The following STON1 variants were observed in gnomAD, a reference collection of about 807,000 sequenced individuals.
STON1 encodes the protein stonin-1.
In STON1, 79 loss-of-function variants were observed where a neutral mutation model predicts 60.9. The ratio of observed to expected loss-of-function variants is 1.30; its 90% CI spans 1.08 to 1.56. The LOEUF is 1.56. Ranked by LOEUF, STON1 falls within the 40% of genes most tolerant of loss-of-function variation. The pLI is 0.00. For synonymous variants in STON1, 363 were observed against 306.9 expected (o/e 1.18, Z -1.91); for missense variants, 1,166 against 858.9 (o/e 1.36, Z -4.47).
intron 1 of STON1, among the ~76,000 whole-genome samples, chr2:48,560,786 G>A (rs926825426): frequency 6.6e-6 from 1 of 152,146 alleles, no homozygotes; most frequent in Non-Finnish European, 1.5e-5. Context: ...CTCTACCCCA[G>A]GCCCCAGCAT....
chr2:48,595,193 G>C, intron 3 of STON1, 35 bp from the exon 4 acceptor site: 1 of 1,552,590 alleles, frequency 6.4e-7, no homozygotes, highest in South Asian at 1.1e-5. Context: ...TGTTGCATTT[G>C]TTAATGCTGC....
chr2:48,580,587 A>T lies in STON1; in HGVS notation c.-47A>T, dbSNP rs751081239. ...TCTCTTTATTTTATTTTTTTAACAG[A>T]GTCAACCTATTTGATTTCTTGACAA... On this transcript the variant is annotated splice_region_variant and 5_prime_UTR_variant, in exon 2 of 4. Transcript: ENST00000404752. 1.5e-6 allele frequency: 2 copies of T among 1,321,088 alleles called. No individual in the cohort carries two copies. Among genetic ancestry groups the T allele is most frequent in the South Asian group, 6.1e-5 (2 of 32,770 alleles). The allele number at this position is 1,321,088 out of a possible 1,614,324, so 81.8% of individuals were successfully genotyped here.
chr2:48,589,703 A>G (rs1167515569), intron 2 of STON1, among the ~76,000 whole-genome samples: 1 of 152,212 alleles, frequency 6.6e-6, no homozygotes, highest in East Asian at 1.9e-4. Flanking sequence ...TTTTCATCGT[A>G]AAATTTCCCC....
rs59933765 is a variant in STON1 at position 48,578,581 on chromosome 2, C to CTTTTTTTTTTTTTTTTTTTTTT, written c.-47-2002_-47-1981dup. On this transcript the variant is annotated intron_variant, in intron 1 of 3. Transcript: ENST00000404752. Reference sequence around the variant, plus strand: ...CTTCTCCTCCTCCTCCTCCTCCTTCCTTTTTTTTTTTTTTTTTTTTTTTTT... The same window carrying CTTTTTTTTTTTTTTTTTTTTTT: ...CTTCTCCTCCTCCTCCTCCTCCTTCCTTTTTTTTTTTTTTTTTTTTTTTTTTTTTTTTTTTTTTTTTTTTTTT... Among the ~76,000 whole-genome samples, 20 of 46,168 alleles carry CTTTTTTTTTTTTTTTTTTTTTT rather than the reference C, an allele frequency of 4.3e-4. 2 individuals are homozygous for CTTTTTTTTTTTTTTTTTTTTTT. Among genetic ancestry groups the CTTTTTTTTTTTTTTTTTTTTTT allele is most frequent in the Admixed American group, 1.2e-3 (3 of 2,516 alleles). 30.3% of individuals were successfully genotyped at this position (46,168 alleles called of 152,430 possible).
chr2:48,569,473 C>G (rs974204748), intron 1 of STON1, among the ~76,000 whole-genome samples: 85 of 151,182 alleles, frequency 5.6e-4, no homozygotes, highest in African/African-American at 1.9e-3. Context: ...AGTAGAGAGA[C>G]TTAATTTGTG....
chr2:48,560,282 G>C (rs977841569), intron 1 of STON1, among the ~76,000 whole-genome samples: 1 of 152,178 alleles, frequency 6.6e-6, no homozygotes, highest in South Asian at 2.1e-4. Context: ...TGAGCCAAAC[G>C]CTCTTCAGCT....
At chr2:48,583,657 G>T (rs1674029685) in intron 2 of STON1, among the ~76,000 whole-genome samples, 1 of 150,720 alleles carries the variant, frequency 6.6e-6, no homozygotes, top group Non-Finnish European at 1.5e-5. Context: ...CTGGTCACTG[G>T]TCTCTGGAGT....
rs992622457 is a variant in STON1 at position 48,581,356 on chromosome 2, C to A, written c.723C>A (p.Asn241Lys). Residue 241 changes from asparagine to lysine, a missense_variant, in exon 2 of 4, where the codon AAC (asparagine) becomes AAA (lysine). Coordinates refer to ENST00000404752, the MANE Select transcript of STON1 (RefSeq NM_006873.4). ...TTGAACATCTCCAGTCAGCTGAGAA[C>A]CAAGACTCACTTAGAAGTTTGTCTA... ...EKLEHLQSAE[N>K]QDSLRSLSMH... is the part of the protein sequence containing the mutation. 1 of 1,562,594 alleles carries A rather than the reference C, an allele frequency of 6.4e-7. No individual in the cohort carries two copies. Among genetic ancestry groups the A allele is most frequent in the Non-Finnish European group, 8.7e-7 (1 of 1,155,672 alleles).
At chr2:48,543,558 G>C (rs1671746690) in intron 1 of STON1, among the ~76,000 whole-genome samples, 1 of 136,944 alleles carries the variant, frequency 7.3e-6, no homozygotes, top group Non-Finnish European at 1.5e-5. Flanking sequence ...TTGAGCTGGA[G>C]TCTTGCTCTA....
chr2:48,543,053 T>G (rs1671721544), intron 1 of STON1, among the ~76,000 whole-genome samples: 1 of 150,348 alleles, frequency 6.7e-6, no homozygotes, highest in African/African-American at 2.4e-5. Context: ...CCACTCACTG[T>G]AACCTCTGCT....
intron 1 of STON1, among the ~76,000 whole-genome samples, chr2:48,548,691 G>T (rs1396434572): frequency 6.6e-6 from 1 of 151,828 alleles, no homozygotes; most frequent in Non-Finnish European, 1.5e-5. Context: ...TAGATGTGGG[G>T]GTTTCACCAT....
At chr2:48,542,378 A>G (rs553060052) in intron 1 of STON1, among the ~76,000 whole-genome samples, 1 of 152,190 alleles carries the variant, frequency 6.6e-6, no homozygotes, top group East Asian at 1.9e-4. Flanking sequence ...CTTTGCCACT[A>G]ATTAGATATG....
intron 2 of STON1, among the ~76,000 whole-genome samples, chr2:48,585,079 C>T (rs536264016): frequency 1.3e-5 from 2 of 152,234 alleles, no homozygotes; most frequent in African/African-American, 4.8e-5. Context: ...TGTTCAGTTC[C>T]CCCATACTAG....
At chr2:48,592,031 C>G (rs886816552) in intron 3 of STON1, among the ~76,000 whole-genome samples, 176 bp downstream of exon 3, 14 of 152,086 alleles carry the variant, frequency 9.2e-5, no homozygotes, top group Admixed American at 1.3e-4. Flanking sequence ...TCTTCCTATC[C>G]ATTCTGGAGA....
At chr2:48,578,712 T>A (rs974875401) in intron 1 of STON1, among the ~76,000 whole-genome samples, 1 of 150,414 alleles carries the variant, frequency 6.6e-6, no homozygotes, top group Non-Finnish European at 1.5e-5. Flanking sequence ...CCCACCACCA[T>A]GCCTGGCTAA....
chr2:48,536,565 A>G (rs1454934649), intron 1 of STON1, among the ~76,000 whole-genome samples: 1 of 151,784 alleles, frequency 6.6e-6, no homozygotes, highest in Non-Finnish European at 1.5e-5. Flanking sequence ...AAAAAAAAAA[A>G]AAAAAAGTTA....
chr2:48,575,832 C>T (rs1467587691), intron 1 of STON1, among the ~76,000 whole-genome samples: 2 of 133,682 alleles, frequency 1.5e-5, no homozygotes, highest in Non-Finnish European at 3.1e-5. Context: ...GATACCCATT[C>T]ACTGCAACAT....
At chr2:48,536,273 T>A (rs1572920841) in intron 1 of STON1, among the ~76,000 whole-genome samples, 1 of 151,588 alleles carries the variant, frequency 6.6e-6, no homozygotes, top group South Asian at 2.1e-4. Context: ...ATACGCCAGG[T>A]GTGGTGGCTC....
chr2:48,550,078 T>C (rs1672036154), intron 1 of STON1, among the ~76,000 whole-genome samples: 1 of 152,048 alleles, frequency 6.6e-6, no homozygotes, highest in South Asian at 2.1e-4. Context: ...GATGCTCTAG[T>C]TGAGGATTCT....
Sources: allele counts gnomAD v4.1 joint callset (sites outside exome capture counted in the v4.1 genomes callset), GRCh38; gene constraint gnomAD v4.1.1; transcripts MANE v1.5; gene names NCBI Gene and HGNC (gene_info 2026-07-23, HGNC 2026-07-21).